AAMDC: variants seen among roughly 807,000 people sequenced by gnomAD.
The protein encoded by AAMDC is adipogenesis associated Mth938 domain containing, also known as mth938 domain-containing protein.
Under a neutral mutation model 15.5 loss-of-function variants are expected in AAMDC, and 16 were observed. The ratio of observed to expected loss-of-function variants is 1.03; its 90% CI spans 0.70 to 1.57. The LOEUF (loss-of-function observed/expected upper bound fraction) is 1.57, where lower values mean the gene tolerates loss of function less well. Ranked by LOEUF, AAMDC falls within the 40% of genes most tolerant of loss-of-function variation. AAMDC has a pLI of 0.00. For synonymous variants in AAMDC, 51 were observed against 51.6 expected (o/e 0.99, Z 0.05); for missense variants, 141 against 144.9 (o/e 0.97, Z 0.14).
In AAMDC at chr11:77,888,565, T is replaced by G. The variant is rs540485942; in HGVS notation, c.328+11516T>G. Among the ~76,000 whole-genome samples the G allele has an allele frequency of 3.2e-3, 494 of 152,210 alleles. 1 individual carries two copies. The highest frequency in any genetic ancestry group is 5.0e-3 in the Non-Finnish European group (338 of 68,024). ...AAAGCAATGGCAACAAAGGCCAAAA[T>G]TGAGAAATGGGATCTAATTAAACTA... On this transcript the variant is annotated intron_variant, in intron 5 of 5. Coordinates refer to the AAMDC transcript ENST00000304716.
At chr11:77,887,270 A>T (rs1164120929) in intron 5 of AAMDC, among the ~76,000 whole-genome samples, 1 of 152,248 alleles carries the variant, frequency 6.6e-6, no homozygotes, top group Non-Finnish European at 1.5e-5. Flanking sequence ...GGTTCAACAT[A>T]CGAAAATCAA....
chr11:77,832,373 C>CT (rs1246518170), intron 1 of AAMDC, among the ~76,000 whole-genome samples: 1 of 151,258 alleles, frequency 6.6e-6, no homozygotes, highest in Admixed American at 6.6e-5. Flanking sequence ...GTTGCCCAGG[C>CT]TGGAGTGCAA....
chr11:77,821,755 A>G (rs1488379159), intron 1 of AAMDC, among the ~76,000 whole-genome samples: 2 of 152,180 alleles, frequency 1.3e-5, no homozygotes, highest in African/African-American at 4.8e-5. Context: ...ATTCCCACAA[A>G]GAACGCCAGA....
rs181419995 is a variant in AAMDC, at chr11:77,844,435, G to A, written c.132+1807G>A. 2.5e-3 allele frequency among the ~76,000 whole-genome samples: 376 copies of A among 151,656 alleles called. 2 individuals carry two copies. The highest frequency in any genetic ancestry group is 0.01 in the Middle Eastern group (3 of 294). On this transcript the variant is annotated intron_variant, in intron 2 of 3. Transcript: ENST00000393427. ...TAGAGTGCAGTGGTGAGATCATGGC[G>A]CACTGTAGTCTACACCACCTGGGTG...
intron 1 of AAMDC, among the ~76,000 whole-genome samples, chr11:77,823,087 G>T (rs941362065): frequency 1.3e-5 from 2 of 151,652 alleles, no homozygotes. Flanking sequence ...GGTGGCGGCG[G>T]GCCCCTGTAG....
At chr11:77,868,730 A>T in intron 2 of AAMDC, 1 of 226,696 alleles carries the variant, frequency 4.4e-6, no homozygotes, top group Non-Finnish European at 9.8e-6. Flanking sequence ...GTGAATTCAC[A>T]GGGAATAGGC....
chr11:77,852,382 G>A (rs1950432887), intron 2 of AAMDC, among the ~76,000 whole-genome samples: 1 of 151,976 alleles, frequency 6.6e-6, no homozygotes, highest in African/African-American at 2.4e-5. Context: ...CCCATTTCCT[G>A]TCTGTCTTGA....
chr11:77,860,819 G>A (rs554978288), intron 2 of AAMDC, among the ~76,000 whole-genome samples: 1 of 152,286 alleles, frequency 6.6e-6, no homozygotes, highest in South Asian at 2.1e-4. Context: ...ACTTCCTCTG[G>A]TATTTGGGAA....
chr11:77,898,389 C>T (rs1233903804), intron 5 of AAMDC, among the ~76,000 whole-genome samples: 1 of 152,166 alleles, frequency 6.6e-6, no homozygotes, highest in African/African-American at 2.4e-5. Context: ...GTCTTGAACT[C>T]CTGACCTCGT....
chr11:77,888,229 T>C (rs975347461), intron 5 of AAMDC, among the ~76,000 whole-genome samples: 1 of 152,134 alleles, frequency 6.6e-6, no homozygotes, highest in African/African-American at 2.4e-5. Context: ...AACAGAGATA[T>C]AGATCAATGG....
rs78196556 is a variant in AAMDC, at chr11:77,821,260, C to T, written c.-19+19C>T. On this transcript the variant is annotated intron_variant, in intron 1 of 3. Transcript: ENST00000393427. ...GCGGTGGGTGAGTTTGCGGGGGAAT[C>T]CTGAAACTGGGCCACGAGATGGTGG... 491 of 229,414 alleles carry T rather than the reference C, an allele frequency of 2.1e-3. 7 individuals carry two copies. The East Asian group carries it at 0.027, about 12-fold the overall frequency. The allele number at this position is 229,414 out of a possible 1,614,324, so 14.2% of individuals were successfully genotyped here.
intron 2 of AAMDC, among the ~76,000 whole-genome samples, chr11:77,857,487 G>T (rs937902283): frequency 6.6e-6 from 1 of 152,110 alleles, no homozygotes; most frequent in East Asian, 1.9e-4. Context: ...TTTGTAGGAA[G>T]CTCTAAAGTC....
intron 1 of AAMDC, among the ~76,000 whole-genome samples, chr11:77,838,797 T>C (rs542985174): frequency 6.6e-6 from 1 of 152,070 alleles, no homozygotes; most frequent in Non-Finnish European, 1.5e-5. Context: ...TTTGTATTTT[T>C]AGTAGAGACG....
At chr11:77,850,120 T>A (rs573015287) in intron 2 of AAMDC, among the ~76,000 whole-genome samples, 1 of 152,362 alleles carries the variant, frequency 6.6e-6, no homozygotes, top group African/African-American at 2.4e-5. Context: ...TTTATCCTTT[T>A]TAACATTCCC....
chr11:77,904,117 T>G (rs568148018), downstream of AAMDC, among the ~76,000 whole-genome samples: 1 of 152,330 alleles, frequency 6.6e-6, no homozygotes, highest in South Asian at 2.1e-4. Context: ...TCAATCTTTC[T>G]ACATTCAAAA....
downstream of AAMDC, among the ~76,000 whole-genome samples, chr11:77,875,548 A>G (rs1951571717): frequency 6.6e-6 from 1 of 152,148 alleles, no homozygotes; most frequent in African/African-American, 2.4e-5. Context: ...CTTCTCCAAC[A>G]GAGAATGTGC....
Position 77,869,737 on chromosome 11 carries a change from C to G in AAMDC, c.148C>G (p.Gln50Glu), listed in dbSNP as rs1290398682. Residue 50 changes from glutamine to glutamate, a missense_variant, in exon 3 of 4, where the codon CAG (glutamine) becomes GAG (glutamate). Gln to Glu is a conservative substitution (Grantham distance 29, BLOSUM62 2). Coordinates refer to ENST00000393427, the MANE Select transcript of AAMDC (RefSeq NM_024684.4). ...ETGTEHSPGV[Q>E]PADVKEVVEK... ...CCACATCCAGCATTCTCCTGGTGTGCAGCCTGCAGATGTGAAGGAAGTTGT... is the reference window on the plus strand; with the variant it reads ...CCACATCCAGCATTCTCCTGGTGTGGAGCCTGCAGATGTGAAGGAAGTTGT... 1 of 1,613,586 alleles carries G rather than the reference C, an allele frequency of 6.2e-7. No homozygotes were observed. The highest frequency in any genetic ancestry group is 1.3e-5 in the African/African-American group (1 of 74,904).
At chr11:77,874,372 CTTTT>C (rs560821678), downstream of AAMDC, among the ~76,000 whole-genome samples, 1 of 134,558 alleles carries the variant, frequency 7.4e-6, no homozygotes, top group Non-Finnish European at 1.6e-5. Context: ...GTGATGCAGT[CTTTT>C]TTTTTTTTTT....
intron 5 of AAMDC, chr11:77,879,277 A>G (rs1007174766): frequency 1.3e-6 from 1 of 788,264 alleles, no homozygotes; most frequent in Non-Finnish European, 2.0e-6. Flanking sequence ...ACCAAACAAA[A>G]CACTGAGCCT....
Sources: allele counts gnomAD v4.1 joint callset (sites outside exome capture counted in the v4.1 genomes callset), GRCh38; gene constraint gnomAD v4.1.1; transcripts MANE v1.5; gene names NCBI Gene and HGNC (gene_info 2026-07-23, HGNC 2026-07-21).